The following GOLGA8B variants were observed in gnomAD, a reference collection of about 807,000 sequenced individuals.
The protein encoded by GOLGA8B is golgin subfamily A member 8B.
Under a neutral mutation model 15.6 loss-of-function variants are expected in GOLGA8B, and 1 was observed. The observed-to-expected ratio is 0.06, with a 90% confidence interval of 0.02 to 0.30. The LOEUF is 0.30. Among genes scored for constraint, GOLGA8B ranks in the 10% least tolerant of loss-of-function variants. GOLGA8B has a pLI of 1.00. For missense variants in GOLGA8B, 17 were observed against 201.3 expected (o/e 0.08, Z 5.54); for synonymous variants, 9 against 80.3 (o/e 0.11, Z 4.75).
intron 1 of GOLGA8B, among the ~76,000 whole-genome samples, chr15:34,554,223 T>C (rs1888427654): frequency 6.6e-6 from 1 of 151,852 alleles, no homozygotes; most frequent in African/African-American, 2.4e-5. Flanking sequence ...TGGACTCTCA[T>C]CCAGGGTCCT....
chr15:34,553,187 AGT>A lies in GOLGA8B; in HGVS notation c.-910-98_-910-97del, dbSNP rs1413169262. 4.8e-4 allele frequency: 16 copies of A among 33,202 alleles called. 1 individual carries two copies. The highest frequency in any genetic ancestry group is 1.9e-3 in the African/African-American group (15 of 7,858). 2.1% of individuals were successfully genotyped at this position (33,202 alleles called of 1,614,324 possible). On this transcript the variant is annotated intron_variant, in intron 2 of 23. Transcript: ENST00000683415. The stretch of plus-strand genomic sequence containing the variant: ...ATTTTACTTTCGTATCAGTTCTAAT[AGT>A]GTGTCTGCTTGACATAGTTTCTATT...
At position 34,527,417 on chromosome 15, in the gene GOLGA8B, T is replaced by C; in HGVS notation, c.*215A>G. 2 of 619,940 alleles carry C rather than the reference T, an allele frequency of 3.2e-6. No homozygotes were observed. Among genetic ancestry groups the C allele is most frequent in the South Asian group, 2.3e-5 (1 of 43,260 alleles). The allele number at this position is 619,940 out of a possible 1,614,324, so 38.4% of individuals were successfully genotyped here. A position where few individuals can be genotyped will look rare whatever the true frequency, so the allele number is the denominator to read the frequency against. On this transcript the variant is annotated 3_prime_UTR_variant, in exon 24 of 24. Coordinates refer to ENST00000683415, the MANE Select transcript of GOLGA8B (RefSeq NM_001023567.5). ...CAATTATGAAATGAAAAAAGAAAAATGCTAAAGGATGCCAGAGTGAACATC... is the reference window on the plus strand; with the variant it reads ...CAATTATGAAATGAAAAAAGAAAAACGCTAAAGGATGCCAGAGTGAACATC...
chr15:34,563,557 TC>T (rs1888679536), intron 1 of GOLGA8B, among the ~76,000 whole-genome samples: 1 of 149,288 alleles, frequency 6.7e-6, no homozygotes, highest in Admixed American at 6.7e-5. Context: ...GGTAACCCCA[TC>T]CCTTTTTTTT....
At chr15:34,554,607 TACCACAC>T (rs1888445945) in intron 1 of GOLGA8B, among the ~76,000 whole-genome samples, 1 of 95,984 alleles carries the variant, frequency 1.0e-5, no homozygotes, top group Non-Finnish European at 2.2e-5. Context: ...CCACACCACA[TACCACAC>T]ACCATACACA....
chr15:34,580,894 T>G (rs989730037), intron 1 of GOLGA8B, among the ~76,000 whole-genome samples: 1 of 152,124 alleles, frequency 6.6e-6, no homozygotes, highest in Non-Finnish European at 1.5e-5. Flanking sequence ...TGTGTCTCCA[T>G]GTTCCTAGTC....
chr15:34,573,649 T>A, intron 1 of GOLGA8B, among the ~76,000 whole-genome samples: 1 of 152,010 alleles, frequency 6.6e-6, no homozygotes, highest in East Asian at 1.9e-4. Flanking sequence ...AAAGTCCAAT[T>A]GTGGGGAATT....
chr15:34,579,463 C>G (rs77157276), intron 1 of GOLGA8B, among the ~76,000 whole-genome samples: 1 of 152,180 alleles, frequency 6.6e-6, no homozygotes, highest in African/African-American at 2.4e-5. Flanking sequence ...GGAGACGCAG[C>G]GCTGACTTTG....
chr15:34,580,217 G>T (rs1403731077), intron 1 of GOLGA8B, among the ~76,000 whole-genome samples: 1 of 152,178 alleles, frequency 6.6e-6, no homozygotes, highest in Non-Finnish European at 1.5e-5. Flanking sequence ...ATGGGGTGGG[G>T]ACAACCCAGG....
chr15:34,574,470 A>C (rs974351197), intron 1 of GOLGA8B, among the ~76,000 whole-genome samples: 1 of 150,892 alleles, frequency 6.6e-6, no homozygotes, highest in East Asian at 1.9e-4. Context: ...CATCTGGCTA[A>C]TTTTTCTATT....
chr15:34,578,779 A>G lies in GOLGA8B; in HGVS notation c.-1123+4737T>C, dbSNP rs140486799. On this transcript the variant is annotated intron_variant, in intron 1 of 23. Coordinates refer to ENST00000683415, the MANE Select transcript of GOLGA8B (RefSeq NM_001023567.5). ...AGTGTTTCCGTTTCCAGACAACTAG[A>G]GATGAAAATATTTCCACAGTCACTC... 5.8e-3 allele frequency among the ~76,000 whole-genome samples: 890 copies of G among 152,306 alleles called. 7 individuals carry two copies. Among genetic ancestry groups the G allele is most frequent in the African/African-American group, 0.02 (812 of 41,552 alleles).
At chr15:34,573,211 A>C (rs946330176) in intron 1 of GOLGA8B, among the ~76,000 whole-genome samples, 4 of 152,168 alleles carry the variant, frequency 2.6e-5, no homozygotes, top group African/African-American at 9.7e-5. Context: ...TCAGTATTGG[A>C]GAATAAAACA....
At chr15:34,571,273 G>A (rs1013060983) in intron 1 of GOLGA8B, among the ~76,000 whole-genome samples, 20 of 152,018 alleles carry the variant, frequency 1.3e-4, no homozygotes, top group Admixed American at 2.6e-4. Context: ...TGTTTGCACC[G>A]CTGCAATCCA....
rs552955069 is a variant in GOLGA8B, at chr15:34,525,963, G to A, written c.*1669C>T. 1.8e-4 allele frequency: 27 copies of A among 149,140 alleles called. 2 individuals are homozygous for A. The highest frequency in any genetic ancestry group is 6.4e-4 in the African/African-American group (26 of 40,324). 9.2% of individuals were successfully genotyped at this position (149,140 alleles called of 1,614,324 possible). A position where few individuals can be genotyped will look rare whatever the true frequency, so the allele number is the denominator to read the frequency against. On this transcript the variant is annotated 3_prime_UTR_variant, in exon 24 of 24. Coordinates refer to ENST00000683415, the MANE Select transcript of GOLGA8B (RefSeq NM_001023567.5). Reference sequence around the variant, plus strand: ...CAACCTAATAATGTGATGTGTTTTGGAACACAGACATTAGAACTTCATGAA... The same window carrying A: ...CAACCTAATAATGTGATGTGTTTTGAAACACAGACATTAGAACTTCATGAA...
At chr15:34,573,722 C>T (rs1888988856) in intron 1 of GOLGA8B, among the ~76,000 whole-genome samples, 1 of 152,060 alleles carries the variant, frequency 6.6e-6, no homozygotes, top group East Asian at 1.9e-4. Context: ...TTCCTTCCAG[C>T]TCAACAGAGC....
chr15:34,575,303 A>G (rs1889042498), intron 1 of GOLGA8B, among the ~76,000 whole-genome samples: 1 of 141,372 alleles, frequency 7.1e-6, no homozygotes, highest in South Asian at 2.2e-4. Context: ...CCCATGTCAC[A>G]TCTTCTGCTC....
chr15:34,571,423 A>G (rs148197533), intron 1 of GOLGA8B, among the ~76,000 whole-genome samples: 24,097 of 151,508 alleles, frequency 0.16, 1,711 homozygotes, highest in Admixed American at 0.26. Context: ...GCCCTTTAAG[A>G]TAACTAAGTC....
Position 34,527,224 on chromosome 15 carries a change from A to C in GOLGA8B, c.*408T>G, listed in dbSNP as rs1888077470. ...AGATCAAACATCATAGCAGAACATT[A>C]GCAAATTTTATCTGAATTCTGTAAT... On this transcript the variant is annotated 3_prime_UTR_variant, in exon 24 of 24. Transcript: ENST00000683415. 2 of 333,518 alleles carry C rather than the reference A, an allele frequency of 6.0e-6. No individual in the cohort carries two copies. The highest frequency in any genetic ancestry group is 1.0e-3 in the Middle Eastern group (1 of 982). The allele number at this position is 333,518 out of a possible 1,614,324, so 20.7% of individuals were successfully genotyped here. A position where few individuals can be genotyped will look rare whatever the true frequency, so the allele number is the denominator to read the frequency against.
intron 1 of GOLGA8B, among the ~76,000 whole-genome samples, chr15:34,575,965 G>A (rs1375477643): frequency 3.3e-5 from 5 of 152,238 alleles, no homozygotes; most frequent in African/African-American, 4.8e-5. Context: ...AAAGGGACTC[G>A]GGGGTAAGAA....
intron 1 of GOLGA8B, 66 bp from the exon 2 acceptor site, chr15:34,554,022 TA>T (rs1377702302): frequency 1.6e-5 from 2 of 127,974 alleles, no homozygotes; most frequent in Non-Finnish European, 3.3e-5. Context: ...AAACAAAAGG[TA>T]GCTGCTGCCA....
Sources: gnomAD v4.1 joint callset for allele counts (sites outside exome capture counted in the v4.1 genomes callset) on GRCh38, gnomAD v4.1.1 for gene constraint, MANE v1.5 for transcripts, NCBI Gene and HGNC (gene_info 2026-07-23, HGNC 2026-07-21) for gene names.